BRD8: variants seen among roughly 807,000 people sequenced by gnomAD.
BRD8 encodes bromodomain containing 8.
Under a neutral mutation model 143.1 loss-of-function variants are expected in BRD8, and 67 were observed. The ratio of observed to expected loss-of-function variants is 0.47; its 90% CI spans 0.38 to 0.57. The LOEUF (loss-of-function observed/expected upper bound fraction) is 0.57, where lower values mean the gene tolerates loss of function less well. BRD8 is among the 20% of genes least tolerant of loss of function. The pLI, the probability that BRD8 is intolerant of heterozygous loss-of-function variation, is 0.00. For synonymous variants in BRD8, 505 were observed against 517.1 expected (o/e 0.98, Z 0.32); for missense variants, 1,103 against 1,503.0 (o/e 0.73, Z 4.40).
At position 138,152,683 on chromosome 5, in the gene BRD8, G is replaced by T; in HGVS notation, c.2655C>A (p.Ser885=). Reference sequence around the variant, plus strand: ...GACTGGAGTCCCATGAGCTGAAGAGGGACCTGCAGTCATTGCTCAACTCAG... The same window carrying T: ...GACTGGAGTCCCATGAGCTGAAGAGTGACCTGCAGTCATTGCTCAACTCAG... ...NDSELSNDCR[S]LFSSWDSSLD... Residue 885 remains serine, a synonymous_variant, in exon 21 of 27, where the codon TCC becomes TCA. Coordinates refer to ENST00000254900, the MANE Select transcript of BRD8 (RefSeq NM_139199.2). The T allele has an allele frequency of 6.2e-7, 1 of 1,614,188 alleles. No individual in the cohort carries two copies. The highest frequency in any genetic ancestry group is 8.5e-7 in the Non-Finnish European group (1 of 1,180,042).
intron 15 of BRD8, among the ~76,000 whole-genome samples, chr5:138,162,473 G>GGT (rs1753071344): frequency 6.6e-6 from 1 of 152,042 alleles, no homozygotes; most frequent in Non-Finnish European, 1.5e-5. Flanking sequence ...TGGGATTACA[G>GGT]GTGTGAGCCA....
At chr5:138,141,790 G>C (rs1042868660) in intron 25 of BRD8, among the ~76,000 whole-genome samples, 7 of 152,190 alleles carry the variant, frequency 4.6e-5, no homozygotes, top group African/African-American at 7.2e-5. Flanking sequence ...ACAGAAAGTA[G>C]ATATATAAGA....
Position 138,165,954 on chromosome 5 carries a change from C to T in BRD8, c.1152G>A (p.Lys384=), listed in dbSNP as rs374625019. The stretch of plus-strand genomic sequence containing the variant: ...CTTCCTTCCCATCTATGCTGGGAGC[C>T]TTTGATCCAACAGGAGCCTCTGCTA... ...SGVAEAPVGS[K]APSIDGKEEL... The change falls in exon 11 of 27, where the codon AAG becomes AAA. Residue 384 remains lysine, a synonymous_variant. Transcript: ENST00000254900. The T allele has an allele frequency of 1.9e-6, 3 of 1,614,170 alleles. No homozygotes were observed.
At chr5:138,178,507 T>C in intron 1 of BRD8, 89 bp downstream of exon 1, 2 of 1,241,786 alleles carry the variant, frequency 1.6e-6, no homozygotes, top group Non-Finnish European at 2.4e-6. Flanking sequence ...GCAACCCACT[T>C]CTCCCACTCC....
chr5:138,143,843 C>G (rs1236827056), intron 25 of BRD8, among the ~76,000 whole-genome samples: 1 of 152,166 alleles, frequency 6.6e-6, no homozygotes, highest in Non-Finnish European at 1.5e-5. Flanking sequence ...GTAAAATGGA[C>G]CAATCAGTAC....
In BRD8 at chr5:138,171,133, C is replaced by A; in HGVS notation, c.264G>T (p.Val88=). The part of the protein sequence containing the change: ...PKRKRGEKGE[V]VETVEDVIVR... ...CAATAACATCTTCAACAGTTTCCACCACTTCTCCCTTTTCACCTCGTTTCC... is the reference window on the plus strand; with the variant it reads ...CAATAACATCTTCAACAGTTTCCACAACTTCTCCCTTTTCACCTCGTTTCC... The change falls in exon 5 of 27, where the codon GTG becomes GTT. Residue 88 remains valine, a synonymous_variant. Transcript: ENST00000254900. 1 of 1,613,072 alleles carries A rather than the reference C, an allele frequency of 6.2e-7. No homozygotes were observed. Among genetic ancestry groups the A allele is most frequent in the Non-Finnish European group, 8.5e-7 (1 of 1,179,624 alleles).
intron 10 of BRD8, 89 bp from the exon 11 acceptor site, chr5:138,166,197 C>A: frequency 1.1e-6 from 1 of 888,362 alleles, no homozygotes; most frequent in South Asian, 1.6e-5. Context: ...AGACAGATGT[C>A]AAATATCCAA....
At position 138,152,684 on chromosome 5, in the gene BRD8, G is replaced by C. The variant is rs755103270; in HGVS notation, c.2654C>G (p.Ser885Cys). 2 of 1,614,186 alleles carry C rather than the reference G, an allele frequency of 1.2e-6. No individual in the cohort carries two copies. Among genetic ancestry groups the C allele is most frequent in the African/African-American group, 1.3e-5 (1 of 75,042 alleles). The change falls in exon 21 of 27, where the codon TCC becomes TGC. Residue 885 changes from serine to cysteine, a missense_variant. This residue lies in a region of BRD8 where 369 missense variants were observed against 445.5 expected (regional missense o/e 0.83). Coordinates refer to ENST00000254900, the MANE Select transcript of BRD8 (RefSeq NM_139199.2). ...NDSELSNDCR[S>C]LFSSWDSSLD... ...ACTGGAGTCCCATGAGCTGAAGAGG[G>C]ACCTGCAGTCATTGCTCAACTCAGA... is the stretch of plus-strand genomic sequence containing the variant.
intron 15 of BRD8, among the ~76,000 whole-genome samples, chr5:138,162,648 C>T (rs1028680774): frequency 1.3e-5 from 2 of 151,742 alleles, no homozygotes; most frequent in South Asian, 4.2e-4. Context: ...CAAGACCAGA[C>T]TGGACCACAT....
intron 20 of BRD8, among the ~76,000 whole-genome samples, chr5:138,154,871 C>A (rs2151188573): frequency 6.7e-6 from 1 of 148,174 alleles, no homozygotes; most frequent in African/African-American, 2.5e-5. Context: ...TGCTCTGTCG[C>A]CAGGTTGGAG....
chr5:138,170,795 A>G, intron 6 of BRD8, 37 bp downstream of exon 6: 1 of 1,564,694 alleles, frequency 6.4e-7, no homozygotes, highest in East Asian at 2.2e-5. Context: ...GAGGGTAAAA[A>G]GAAAGAAGCA....
At chr5:138,155,862 A>T (rs926931789) in intron 20 of BRD8, among the ~76,000 whole-genome samples, 1 of 149,520 alleles carries the variant, frequency 6.7e-6, no homozygotes, top group Non-Finnish European at 1.5e-5. Flanking sequence ...CTTAGCCTTC[A>T]AACAGCAATG....
intron 2 of BRD8, among the ~76,000 whole-genome samples, chr5:138,176,014 T>A (rs1754303551): frequency 6.7e-6 from 1 of 149,484 alleles, no homozygotes; most frequent in African/African-American, 2.5e-5. Flanking sequence ...ATTAAAAACA[T>A]TGTCCACAAC....
rs897951498 is a variant in BRD8 at position 138,156,933 on chromosome 5, G to T, written c.2577+2622C>A. 9.9e-6 allele frequency: 12 copies of T among 1,209,088 alleles called. No individual in the cohort carries two copies. The East Asian group carries it at 4.0e-4, about 40-fold the overall frequency. The allele number at this position is 1,209,088 out of a possible 1,614,324, so 74.9% of individuals were successfully genotyped here. On this transcript the variant is annotated intron_variant, in intron 20 of 26. Transcript: ENST00000254900. ...ATACACACACATTTCACTGGTGGTT[G>T]TTTTTTTTAAAAAGTCTGTACAATT...
At chr5:138,176,930 T>TA (rs756789723) in intron 2 of BRD8, among the ~76,000 whole-genome samples, 2 of 149,906 alleles carry the variant, frequency 1.3e-5, no homozygotes, top group East Asian at 2.0e-4. Flanking sequence ...TACAAAAAAA[T>TA]AAAAAAAATT....
At chr5:138,175,534 A>C (rs1754250910) in intron 2 of BRD8, among the ~76,000 whole-genome samples, 1 of 151,012 alleles carries the variant, frequency 6.6e-6, no homozygotes, top group African/African-American at 2.4e-5. Context: ...CCTGGGCAAC[A>C]AGTGACAAAA....
intron 25 of BRD8, among the ~76,000 whole-genome samples, chr5:138,143,794 C>A (rs1581398810): frequency 6.6e-6 from 1 of 151,618 alleles, no homozygotes; most frequent in East Asian, 1.9e-4. Context: ...TGTAAACGCA[C>A]CAATCAGCAC....
In BRD8 at chr5:138,168,070, C is replaced by T. The variant is rs752103194; in HGVS notation, c.651G>A (p.Glu217=). ...TMEEATSGVN[E]SEMAVASGHL... ...GGCCAGAAGCCACAGCCATTTCACT[C>T]TCATTGACCTACCAGGGAAGAATAG... is the stretch of plus-strand genomic sequence containing the variant. Residue 217 remains glutamate (E), a synonymous_variant, in exon 9 of 27, where the codon GAG becomes GAA. Transcript: ENST00000254900. The T allele has an allele frequency of 1.9e-6, 3 of 1,611,740 alleles. No homozygotes were observed. Among genetic ancestry groups the T allele is most frequent in the Non-Finnish European group, 2.5e-6 (3 of 1,178,436 alleles).
intron 15 of BRD8, among the ~76,000 whole-genome samples, chr5:138,162,809 C>T (rs942743258): frequency 1.3e-5 from 2 of 151,944 alleles, no homozygotes; most frequent in African/African-American, 4.8e-5. Context: ...CCAGCCTGGG[C>T]AATGTAGCAA....
Sources: allele counts gnomAD v4.1 joint callset (sites outside exome capture counted in the v4.1 genomes callset), GRCh38; gene constraint gnomAD v4.1.1; regional missense constraint gnomAD v4.1.1; transcripts MANE v1.5; gene names NCBI Gene and HGNC (gene_info 2026-07-23, HGNC 2026-07-21).